The following GRIP2 variants were observed in gnomAD, a reference collection of about 807,000 sequenced individuals.
GRIP2 encodes glutamate receptor interacting protein 2.
GRIP2 carries 58 observed loss-of-function variants against 108.3 expected under a neutral mutation model. The observed-to-expected ratio is 0.54, with a 90% CI of 0.43 to 0.67. The LOEUF (loss-of-function observed/expected upper bound fraction) is 0.67. Among genes scored for constraint, GRIP2 ranks in the 30% least tolerant of loss-of-function variants. The pLI is 0.00. For synonymous variants in GRIP2, 586 were observed against 598.2 expected, an observed-to-expected ratio of 0.98 and a Z score of 0.30; for missense variants, 1,278 against 1,430.6, an observed-to-expected ratio of 0.89 and a Z score of 1.72.
intron 9 of GRIP2, among the ~76,000 whole-genome samples, chr3:14,518,555 C>G (rs560899419): frequency 5.0e-4 from 76 of 152,272 alleles, no homozygotes; most frequent in Non-Finnish European, 9.7e-4. Context: ...GCCCCGACCC[C>G]CTAGGAGACC....
intron 1 of GRIP2, among the ~76,000 whole-genome samples, chr3:14,530,306 G>A (rs184991347): frequency 2.2e-4 from 34 of 152,266 alleles, no homozygotes; most frequent in Non-Finnish European, 4.6e-4. Context: ...CCAAGCCTTC[G>A]GCTACCAGAC....
chr3:14,529,365 T>C (rs1360484896), intron 1 of GRIP2, among the ~76,000 whole-genome samples: 4 of 152,164 alleles, frequency 2.6e-5, no homozygotes, highest in African/African-American at 7.2e-5. Context: ...TCATTAACAC[T>C]TTGCAGTATT....
chr3:14,532,479 T>C (rs1694734551), intron 1 of GRIP2, among the ~76,000 whole-genome samples: 1 of 152,148 alleles, frequency 6.6e-6, no homozygotes, highest in Admixed American at 6.5e-5. Context: ...TTCTGCATTG[T>C]AGGAAGCTGA....
At chr3:14,598,408 A>T in the GRIP2 span, among the ~76,000 whole-genome samples, 2 of 152,072 alleles carry the variant, frequency 1.3e-5, no homozygotes, top group African/African-American at 4.8e-5. Flanking sequence ...CCATAACTGC[A>T]GAAATGCCGG....
upstream of GRIP2, among the ~76,000 whole-genome samples, chr3:14,540,768 G>A (rs1189251649): frequency 1.3e-5 from 2 of 152,070 alleles, no homozygotes; most frequent in Non-Finnish European, 2.9e-5. This position sits in a 1 kb window ranked among gnomAD's most constrained non-coding sequence, Gnocchi z 4.1. Context: ...GCTAGATGAA[G>A]CACAGACTCT....
At position 14,521,741 on chromosome 3, in the gene GRIP2, T is replaced by C. The variant is rs1424179314; in HGVS notation, c.613A>G (p.Ile205Val). ...GCATGGCTGGCCCCGTGCAGCGGGA[T>C]TCCATCGACACTGAGCAGCCTGTCG... The part of the protein sequence containing the change: ...VGDRLLSVDG[I>V]PLHGASHATA... The change falls in exon 7 of 24, where the codon ATC becomes GTC. Residue 205 changes from isoleucine to valine, a missense_variant. By Grantham distance (29) the Ile-to-Val change is conservative. Transcript: ENST00000621039. This position sits in a 1 kb window ranked among gnomAD's most constrained non-coding sequence, Gnocchi z 5.1. The C allele has an allele frequency of 1.2e-6, 2 of 1,609,732 alleles. No individual in the cohort carries two copies. The highest frequency in any genetic ancestry group is 1.7e-6 in the Non-Finnish European group (2 of 1,178,594).
chr3:14,527,156 C>T (rs1694577993), intron 1 of GRIP2, among the ~76,000 whole-genome samples: 1 of 152,030 alleles, frequency 6.6e-6, no homozygotes, highest in African/African-American at 2.4e-5. Flanking sequence ...CACTGCATTC[C>T]AGTGACAGAG....
chr3:14,494,852 C>G lies in GRIP2; in HGVS notation c.2961G>C (p.Arg987Ser), dbSNP rs1208223690. The G allele has an allele frequency of 6.2e-7, 1 of 1,612,808 alleles. No individual in the cohort carries two copies. Among genetic ancestry groups the G allele is most frequent in the Non-Finnish European group, 8.5e-7 (1 of 1,179,240 alleles). ...AHRGGLQPFD[R>S]VLQVNHVRTR... is the part of the protein sequence containing the mutation. ...CCTGCCCCAGCATTACCTGCAGGAC[C>G]CTGTCGAAGGGCTGGAGGCCTCCAC... Residue 987 changes from arginine (R) to serine (S), a missense_variant, in exon 23 of 24, where the codon AGG (arginine) becomes AGC (serine). Transcript: ENST00000621039.
chr3:14,549,377 C>T (rs9310448), intron 1 of GRIP2, among the ~76,000 whole-genome samples: 33,834 of 152,144 alleles, frequency 0.22, 4,170 homozygotes, highest in South Asian at 0.37. Flanking sequence ...TGCAGCCTGC[C>T]TCCCTATGGC....
chr3:14,494,890 C>A lies in GRIP2; in HGVS notation c.2923G>T (p.Gly975Trp). 6.2e-7 allele frequency: 1 copy of A among 1,613,888 alleles called. No individual in the cohort carries two copies. ...GVYVHTVRPD[G>W]PAHRGGLQPF... ...TGGAGGCCTCCACGGTGGGCTGGCC[C>A]ATCAGGGCGCACAGTGTGGACATAG... Residue 975 changes from glycine (G) to tryptophan (W), a missense_variant, in exon 23 of 24, where the codon GGG (glycine) becomes TGG (tryptophan). Physicochemically the swap from Gly to Trp is radical, Grantham distance 184 (BLOSUM62 -2). Transcript: ENST00000621039.
At chr3:14,541,179 C>A (rs1202252294), upstream of GRIP2, among the ~76,000 whole-genome samples, 3 of 152,244 alleles carry the variant, frequency 2.0e-5, no homozygotes, top group Admixed American at 2.0e-4. Context: ...CCTCCTCTAC[C>A]TGTCTGTGAG....
intron 1 of GRIP2, among the ~76,000 whole-genome samples, chr3:14,550,272 C>A (rs1488384318): frequency 2.0e-5 from 3 of 152,208 alleles, no homozygotes; most frequent in Non-Finnish European, 4.4e-5. Context: ...CCAGGAATGC[C>A]CTCTTCCTAA....
chr3:14,567,364 G>C, the GRIP2 span, among the ~76,000 whole-genome samples: 1 of 152,150 alleles, frequency 6.6e-6, no homozygotes, highest in Non-Finnish European at 1.5e-5. Context: ...CGCTCAGTGA[G>C]GCCAACCATC....
chr3:14,526,091 C>T lies in GRIP2; in HGVS notation c.41-160G>A. 3 of 652,424 alleles carry T rather than the reference C, an allele frequency of 4.6e-6. No homozygotes were observed. The Admixed American group carries it at 7.4e-5, about 16-fold the overall frequency. 40.4% of individuals were successfully genotyped at this position (652,424 alleles called of 1,614,324 possible). A position where few individuals can be genotyped will look rare whatever the true frequency, so the allele number is the denominator to read the frequency against. On this transcript the variant is annotated intron_variant, in intron 1 of 23. Coordinates refer to ENST00000621039, the MANE Select transcript of GRIP2 (RefSeq NM_001080423.4). Reference sequence around the variant, plus strand: ...ATTCTCTGCTGGAGAATCCTCACAGCTCCTCCTCCCAAAGAAAGCCTGGCC... The same window carrying T: ...ATTCTCTGCTGGAGAATCCTCACAGTTCCTCCTCCCAAAGAAAGCCTGGCC...
chr3:14,587,053 A>G, the GRIP2 span, among the ~76,000 whole-genome samples: 1 of 152,212 alleles, frequency 6.6e-6, no homozygotes, highest in Non-Finnish European at 1.5e-5. Context: ...CTTCGTCTTT[A>G]TTTTCAAAAT....
upstream of GRIP2, chr3:14,540,512 C>T (rs954173721): frequency 2.5e-6 from 3 of 1,221,576 alleles, no homozygotes; most frequent in Non-Finnish European, 3.4e-6. The surrounding 1 kb of genome is among the most constrained non-coding windows in gnomAD (Gnocchi z 4.1). Flanking sequence ...CAGGGTCCAA[C>T]ATGCCCCACC....
chr3:14,555,162 C>G (rs9833742), intron 1 of GRIP2, among the ~76,000 whole-genome samples: 18,288 of 152,094 alleles, frequency 0.12, 1,370 homozygotes, highest in African/African-American at 0.21. Context: ...GGGATGGCAC[C>G]CGGCACAGGC....
chr3:14,559,388 G>A (rs771954632), upstream of GRIP2, among the ~76,000 whole-genome samples: 78 of 151,564 alleles, frequency 5.1e-4, 1 homozygote, highest in Admixed American at 4.6e-3. Context: ...TGGTGGGTCT[G>A]GTAAATTAGG....
the GRIP2 span, among the ~76,000 whole-genome samples, chr3:14,575,736 C>T: frequency 0.03 from 4,600 of 152,314 alleles, 210 homozygotes; most frequent in African/African-American, 0.1. Flanking sequence ...ACCTGAGGGG[C>T]TGTCGTAAGG....
Sources: gnomAD v4.1 joint callset for allele counts (sites outside exome capture counted in the v4.1 genomes callset) on GRCh38, gnomAD v4.1.1 for gene constraint, Gnocchi (gnomAD v3.1) non-coding constraint, MANE v1.5 for transcripts, NCBI Gene and HGNC (gene_info 2026-07-23, HGNC 2026-07-21) for gene names.